APAF1: variants seen among roughly 807,000 people sequenced by gnomAD.
APAF1 encodes the protein apoptotic protease-activating factor 1.
Under a neutral mutation model 152.4 loss-of-function variants are expected in APAF1, and 91 were observed. The ratio of observed to expected loss-of-function variants is 0.60; its 90% CI spans 0.50 to 0.71. The LOEUF (loss-of-function observed/expected upper bound fraction) is 0.71. Among genes scored for constraint, APAF1 ranks in the 30% least tolerant of loss-of-function variants. The pLI, the probability that APAF1 is intolerant of heterozygous loss-of-function variation, is 0.00. For missense variants in APAF1, 1,283 were observed against 1,472.0 expected (o/e 0.87, Z 2.10); for synonymous variants, 484 against 494.1 (o/e 0.98, Z 0.27).
intron 4 of APAF1, among the ~76,000 whole-genome samples, chr12:98,652,688 G>T (rs200980865): frequency 1.3e-5 from 2 of 151,686 alleles, no homozygotes; most frequent in East Asian, 3.9e-4. Context: ...GTGCCATGGC[G>T]CGATCTTGGC....
chr12:98,718,066 CT>C lies in APAF1; in HGVS notation c.3084+2516del, dbSNP rs545479433. On this transcript the variant is annotated intron_variant, in intron 22 of 26. Transcript: ENST00000551964. ...GGATCTCAACATTTAGTATGTACAC[CT>C]TCCCTTGATCCCTCATTCTCAGAAT... Among the ~76,000 whole-genome samples the C allele has an allele frequency of 1.7e-3, 264 of 152,170 alleles. 1 individual carries two copies. Among genetic ancestry groups the C allele is most frequent in the African/African-American group, 5.5e-3 (228 of 41,524 alleles).
chr12:98,673,104 C>T (rs1430838571), intron 12 of APAF1, among the ~76,000 whole-genome samples: 3 of 152,092 alleles, frequency 2.0e-5, no homozygotes, highest in Admixed American at 6.5e-5. Flanking sequence ...AAATTGACCT[C>T]TGATTATACA....
chr12:98,730,090 A>T (rs1479494173), intron 26 of APAF1, among the ~76,000 whole-genome samples: 2 of 152,126 alleles, frequency 1.3e-5, no homozygotes, highest in Non-Finnish European at 2.9e-5. Flanking sequence ...TGTACAACTT[A>T]ATTATCAATA....
At position 98,699,487 on chromosome 12, in the gene APAF1, A is replaced by T; in HGVS notation, c.2384A>T (p.Glu795Val). The T allele has an allele frequency of 6.2e-7, 1 of 1,614,198 alleles. No individual in the cohort carries two copies. The highest frequency in any genetic ancestry group is 8.5e-7 in the Non-Finnish European group (1 of 1,180,020). ...TTCCTAAATTTGGAGGACCCTCAAG[A>T]GGATATGGAAGTGATAGTGAAGTGT... is the stretch of plus-strand genomic sequence containing the variant. The part of the protein sequence containing the change: ...QFFLNLEDPQ[E>V]DMEVIVKCCS... Residue 795 changes from glutamate (E) to valine (V), a missense_variant, in exon 17 of 27, where the codon GAG becomes GTG. By Grantham distance (121) the Glu-to-Val change is moderately radical. Transcript: ENST00000551964.
intron 16 of APAF1, among the ~76,000 whole-genome samples, chr12:98,691,248 C>A (rs2288725): frequency 0.18 from 27,158 of 151,810 alleles, 2,546 homozygotes; most frequent in Non-Finnish European, 0.2. Context: ...TACTGTTCCT[C>A]CCTTTCCTTC....
chr12:98,669,898 C>T (rs2097677926), intron 10 of APAF1, among the ~76,000 whole-genome samples: 1 of 137,262 alleles, frequency 7.3e-6, no homozygotes, highest in African/African-American at 3.0e-5. Context: ...TCCCCTCTTC[C>T]TGCCCTCCCC....
In APAF1 at chr12:98,732,993, G is replaced by T; in HGVS notation, c.*427G>T. The T allele has an allele frequency of 5.5e-6, 1 of 182,120 alleles. No individual in the cohort carries two copies. The highest frequency in any genetic ancestry group is 5.8e-5 in the Admixed American group (1 of 17,138). The allele number at this position is 182,120 out of a possible 1,614,324, so 11.3% of individuals were successfully genotyped here. ...TTTTGAACCACACTTACCCCAAGGG[G>T]GTTTTGTTCTCCTAAATACAATCTT... On this transcript the variant is annotated 3_prime_UTR_variant, in exon 27 of 27. Coordinates refer to ENST00000551964, the MANE Select transcript of APAF1 (RefSeq NM_181861.2).
intron 20 of APAF1, among the ~76,000 whole-genome samples, chr12:98,710,968 C>T (rs961068014): frequency 2.6e-5 from 4 of 152,162 alleles, no homozygotes; most frequent in Admixed American, 6.5e-5. Context: ...GGGAGTAAAT[C>T]GCCTGGTATG....
At position 98,677,325 on chromosome 12, in the gene APAF1, A is replaced by AC; in HGVS notation, c.1794-99dup. On this transcript the variant is annotated intron_variant, in intron 12 of 26. Coordinates refer to ENST00000551964, the MANE Select transcript of APAF1 (RefSeq NM_181861.2). ...TTTTAAGAATTTTGTATTTTGGGGA[A>AC]CATAACCATGTTAAAAGACAGTTTA... 3 of 1,248,168 alleles carry AC rather than the reference A, an allele frequency of 2.4e-6. No individual in the cohort carries two copies. The South Asian group carries it at 3.8e-5, about 16-fold the overall frequency. 77.3% of individuals were successfully genotyped at this position (1,248,168 alleles called of 1,614,324 possible).
intron 12 of APAF1, among the ~76,000 whole-genome samples, chr12:98,675,493 AC>A (rs1417676437): frequency 9.9e-5 from 15 of 152,212 alleles, no homozygotes; most frequent in African/African-American, 3.4e-4. Flanking sequence ...GATTCAACCA[AC>A]CTGGATTGAA....
chr12:98,656,375 A>G (rs937309763), intron 4 of APAF1, among the ~76,000 whole-genome samples: 3 of 152,234 alleles, frequency 2.0e-5, no homozygotes, highest in African/African-American at 4.8e-5. Context: ...CTGCAAACTT[A>G]CACTGAAGGA....
intron 22 of APAF1, 143 bp from the exon 23 acceptor site, chr12:98,723,050 A>G (rs1044202923): frequency 8.8e-6 from 7 of 797,744 alleles, no homozygotes; most frequent in Non-Finnish European, 4.2e-6. Context: ...TGGACACCAC[A>G]GTCTTCTCTC....
intron 12 of APAF1, among the ~76,000 whole-genome samples, chr12:98,673,295 A>T (rs182344899): frequency 1.3e-5 from 2 of 151,848 alleles, no homozygotes; most frequent in Admixed American, 1.3e-4. Flanking sequence ...AGCCTGGTCA[A>T]CATGGTGAAA....
Position 98,662,661 on chromosome 12 carries a change from A to G in APAF1, c.824-14A>G. 2 of 1,612,918 alleles carry G rather than the reference A, an allele frequency of 1.2e-6. No individual in the cohort carries two copies. The highest frequency in any genetic ancestry group is 2.2e-5 in the South Asian group (2 of 91,012). On this transcript the variant is annotated splice_polypyrimidine_tract_variant and intron_variant, in intron 6 of 26. Coordinates refer to ENST00000551964, the MANE Select transcript of APAF1 (RefSeq NM_181861.2). The stretch of plus-strand genomic sequence containing the variant: ...ACCAAATTACTTACTTTGTCTTGTG[A>G]TTTTTGTTTGCAGGTCCTAAATATG...
Position 98,649,531 on chromosome 12 carries a change from G to T in APAF1, c.373G>T (p.Val125Phe). ...CEGGVPQRPVVFVTRKKLVNA... is the reference protein window; with the variant it reads ...CEGGVPQRPVFFVTRKKLVNA... The stretch of plus-strand genomic sequence containing the variant: ...AGGTGGAGTACCACAGAGGCCAGTT[G>T]TTTTTGTCACAAGGAAGAAGCTGGT... The change falls in exon 4 of 27, where the codon GTT (valine) becomes TTT (phenylalanine). Residue 125 changes from valine to phenylalanine, a missense_variant. By Grantham distance (50) the Val-to-Phe change is conservative. Transcript: ENST00000551964. The T allele has an allele frequency of 6.2e-7, 1 of 1,614,212 alleles. No individual in the cohort carries two copies. The highest frequency in any genetic ancestry group is 8.5e-7 in the Non-Finnish European group (1 of 1,180,034).
At chr12:98,721,582 C>G (rs2097742867) in intron 22 of APAF1, among the ~76,000 whole-genome samples, 1 of 152,140 alleles carries the variant, frequency 6.6e-6, no homozygotes, top group African/African-American at 2.4e-5. Context: ...TCCCCTTCCC[C>G]CAGCATATCT....
chr12:98,693,710 C>G (rs1017709731), intron 16 of APAF1, among the ~76,000 whole-genome samples: 2 of 151,892 alleles, frequency 1.3e-5, no homozygotes, highest in Non-Finnish European at 2.9e-5. Flanking sequence ...TCCCAGAGTC[C>G]AGCTGCCATC....
At chr12:98,711,077 A>C (rs2097727470) in intron 20 of APAF1, among the ~76,000 whole-genome samples, 1 of 152,220 alleles carries the variant, frequency 6.6e-6, no homozygotes, top group South Asian at 2.1e-4. Context: ...TGTCCTCAAT[A>C]TGCTGATTAG....
At position 98,708,625 on chromosome 12, in the gene APAF1, T is replaced by A. The variant is rs1037139719; in HGVS notation, c.2762T>A (p.Met921Lys). 1 of 1,613,046 alleles carries A rather than the reference T, an allele frequency of 6.2e-7. No homozygotes were observed. Among genetic ancestry groups the A allele is most frequent in the African/African-American group, 1.3e-5 (1 of 74,920 alleles). Residue 921 changes from methionine (M) to lysine (K), a missense_variant, in exon 20 of 27, where the codon ATG becomes AAG. Met to Lys is a moderately conservative substitution (Grantham distance 95). Coordinates refer to ENST00000551964, the MANE Select transcript of APAF1 (RefSeq NM_181861.2). ...AAAGTATGTAAGAACTCTGCTGTAA[T>A]GTTAAAGCAAGAAGTAGATGTTGTG... ...TKKVCKNSAVMLKQEVDVVFQ... is the reference protein window; with the variant it reads ...TKKVCKNSAVKLKQEVDVVFQ...
Sources: gnomAD v4.1 joint callset for allele counts (sites outside exome capture counted in the v4.1 genomes callset) on GRCh38, gnomAD v4.1.1 for gene constraint, MANE v1.5 for transcripts, NCBI Gene and HGNC (gene_info 2026-07-23, HGNC 2026-07-21) for gene names.